GRIK4: variants seen among roughly 807,000 people sequenced by gnomAD.
GRIK4 encodes the protein glutamate ionotropic receptor kainate type subunit 4, also known as glutamate receptor ionotropic, kainate 4.
Under a neutral mutation model 104.9 loss-of-function variants are expected in GRIK4, and 40 were observed. That is an observed-to-expected ratio of 0.38 (90% CI 0.30 to 0.50). GRIK4 has a LOEUF of 0.50. Ranked by LOEUF, GRIK4 falls within the 20% of genes least tolerant of loss-of-function variation. The pLI is 0.93. For missense variants in GRIK4, 1,047 were observed against 1,308.1 expected (o/e 0.80, Z 3.08); for synonymous variants, 485 against 524.9 (o/e 0.92, Z 1.04).
intron 1 of GRIK4, among the ~76,000 whole-genome samples, chr11:120,562,445 G>A (rs1948250698): frequency 6.6e-6 from 1 of 152,328 alleles, no homozygotes; most frequent in East Asian, 1.9e-4. Context: ...GAGCTGGGGA[G>A]GGCTTCCTGG....
At chr11:120,742,659 G>A (rs1401676707) in intron 3 of GRIK4, among the ~76,000 whole-genome samples, 9 of 152,196 alleles carry the variant, frequency 5.9e-5, no homozygotes, top group South Asian at 2.1e-4. Flanking sequence ...CTTATATACC[G>A]TTAGTGGGAG....
In GRIK4 at chr11:120,621,456, C is replaced by T. The variant is rs368572337; in HGVS notation, c.-158-32229C>T. Among the ~76,000 whole-genome samples the T allele has an allele frequency of 7.2e-5, 11 of 152,312 alleles. No individual in the cohort carries two copies. In the East Asian group the frequency reaches 2.1e-3, roughly 29 times the overall value. ...TAACAGAAACCCCCTCCCAGCTCATCAACTTGCAGCTAAGGGATTTTCTGT... is the reference window on the plus strand; with the variant it reads ...TAACAGAAACCCCCTCCCAGCTCATTAACTTGCAGCTAAGGGATTTTCTGT... On this transcript the variant is annotated intron_variant, in intron 1 of 20. Coordinates refer to ENST00000527524, the MANE Select transcript of GRIK4 (RefSeq NM_014619.5).
chr11:120,664,289 A>G (rs1346627459), intron 3 of GRIK4, among the ~76,000 whole-genome samples: 1 of 152,238 alleles, frequency 6.6e-6, no homozygotes, highest in African/African-American at 2.4e-5. Context: ...TGGGCTGAAG[A>G]TCCTGGTTGG....
chr11:120,739,766 C>T (rs1321677805), intron 3 of GRIK4, among the ~76,000 whole-genome samples: 1 of 152,210 alleles, frequency 6.6e-6, no homozygotes, highest in Non-Finnish European at 1.5e-5. Context: ...TGACGATGCT[C>T]AGTGTCAGTA....
intron 19 of GRIK4, among the ~76,000 whole-genome samples, chr11:120,974,496 G>C (rs185273180): frequency 3.0e-4 from 46 of 152,336 alleles, no homozygotes; most frequent in Admixed American, 9.1e-4. Flanking sequence ...CGACGTGCCA[G>C]TGCCTAACAT....
chr11:120,647,314 C>G (rs551947362), intron 1 of GRIK4, among the ~76,000 whole-genome samples: 1 of 152,342 alleles, frequency 6.6e-6, no homozygotes, highest in African/African-American at 2.4e-5. Flanking sequence ...CACACTACCC[C>G]CAACATGTTG....
intron 8 of GRIK4, among the ~76,000 whole-genome samples, chr11:120,845,855 T>A (rs943420611): frequency 1.3e-5 from 2 of 152,220 alleles, no homozygotes; most frequent in Non-Finnish European, 2.9e-5. Flanking sequence ...TATGTTTTAG[T>A]GCAACTAGAA....
intron 13 of GRIK4, among the ~76,000 whole-genome samples, chr11:120,932,157 ATTTTTT>A (rs56886847): frequency 7.2e-6 from 1 of 138,016 alleles, no homozygotes; most frequent in African/African-American, 2.7e-5. Context: ...CAATTTTACA[ATTTTTT>A]TTTTTTTTTT....
At chr11:120,786,036 T>C (rs1372295240) in intron 3 of GRIK4, among the ~76,000 whole-genome samples, 3 of 152,124 alleles carry the variant, frequency 2.0e-5, no homozygotes, top group Admixed American at 2.0e-4. Context: ...TTTCCCCCAT[T>C]CTTTCCCGAT....
chr11:120,608,802 C>T (rs1384738469), intron 1 of GRIK4, among the ~76,000 whole-genome samples: 1 of 152,052 alleles, frequency 6.6e-6, no homozygotes, highest in East Asian at 1.9e-4. Flanking sequence ...CTGGAAGCGC[C>T]TGTGTCTCCT....
At chr11:120,915,754 A>G (rs1183106610) in intron 13 of GRIK4, among the ~76,000 whole-genome samples, 2 of 152,200 alleles carry the variant, frequency 1.3e-5, no homozygotes, top group Non-Finnish European at 2.9e-5. Flanking sequence ...GCAGGGTGCT[A>G]TAACTCCTGA....
chr11:120,917,072 C>T (rs1011678689), intron 13 of GRIK4, among the ~76,000 whole-genome samples: 3 of 151,654 alleles, frequency 2.0e-5, no homozygotes, highest in Non-Finnish European at 4.4e-5. Context: ...ATGGAGAAAC[C>T]TCGTCTCTGA....
At chr11:120,677,759 G>C (rs1289962292) in intron 3 of GRIK4, among the ~76,000 whole-genome samples, 1 of 152,166 alleles carries the variant, frequency 6.6e-6, no homozygotes, top group Non-Finnish European at 1.5e-5. Context: ...CCTTTTCCCT[G>C]TTTGATATTT....
intron 3 of GRIK4, among the ~76,000 whole-genome samples, chr11:120,690,547 G>A (rs113226523): frequency 3.0e-4 from 46 of 152,244 alleles, no homozygotes; most frequent in African/African-American, 1.1e-3. Flanking sequence ...CAGCCAGGCA[G>A]CTGGAGCCAG....
chr11:120,528,725 A>C (rs1947890438), intron 1 of GRIK4, among the ~76,000 whole-genome samples: 1 of 152,206 alleles, frequency 6.6e-6, no homozygotes, highest in Non-Finnish European at 1.5e-5. Flanking sequence ...GAGCTTGTGC[A>C]GGGAAACTGC....
chr11:120,971,927 C>T (rs904510575), intron 19 of GRIK4, among the ~76,000 whole-genome samples: 4 of 152,184 alleles, frequency 2.6e-5, no homozygotes, highest in East Asian at 1.9e-4. Context: ...ATCTGTCTCA[C>T]GCTTTTTCAC....
chr11:120,785,706 T>C (rs1952254023), intron 3 of GRIK4, among the ~76,000 whole-genome samples: 5 of 152,204 alleles, frequency 3.3e-5, no homozygotes, highest in Admixed American at 3.3e-4. Flanking sequence ...GAGACTCAGC[T>C]CCTGCACTTG....
intron 1 of GRIK4, among the ~76,000 whole-genome samples, chr11:120,630,263 C>T (rs1949318037): frequency 6.6e-6 from 1 of 152,244 alleles, no homozygotes; most frequent in African/African-American, 2.4e-5. Context: ...GAGCTAAGCC[C>T]CTTGGGAGCA....
chr11:120,860,190 T>C (rs1323467076), intron 8 of GRIK4, among the ~76,000 whole-genome samples: 1 of 152,210 alleles, frequency 6.6e-6, no homozygotes, highest in African/African-American at 2.4e-5. Flanking sequence ...TGGATCTGTG[T>C]GCAAGGCACT....
Sources: allele counts gnomAD v4.1 joint callset (sites outside exome capture counted in the v4.1 genomes callset), GRCh38; gene constraint gnomAD v4.1.1; transcripts MANE v1.5; gene names NCBI Gene and HGNC (gene_info 2026-07-23, HGNC 2026-07-21).